ADGRG7: variants seen among roughly 807,000 people sequenced by gnomAD.
ADGRG7 encodes G-protein coupled receptor 128.
ADGRG7 carries 82 observed loss-of-function variants against 88.6 expected under a neutral mutation model. The observed-to-expected ratio is 0.93, with a 90% CI of 0.77 to 1.11. The LOEUF is 1.11. Ranked by LOEUF, ADGRG7 falls within the 50% of genes most tolerant of loss-of-function variation. The pLI is 0.00. For synonymous variants in ADGRG7, 381 were observed against 345.2 expected (o/e 1.10, Z -1.15); for missense variants, 945 against 953.4 (o/e 0.99, Z 0.12).
At chr3:100,615,491 T>C (rs1450507819) in intron 1 of ADGRG7, among the ~76,000 whole-genome samples, 1 of 152,144 alleles carries the variant, frequency 6.6e-6, no homozygotes, top group African/African-American at 2.4e-5. Flanking sequence ...AAGATGCAAA[T>C]GGCAAAGAAG....
intron 15 of ADGRG7, among the ~76,000 whole-genome samples, chr3:100,691,215 G>A (rs2094993117): frequency 6.6e-6 from 1 of 152,222 alleles, no homozygotes; most frequent in Non-Finnish European, 1.5e-5. Context: ...CATTGGAAAA[G>A]TGCGGTATTA....
chr3:100,666,933 C>G (rs1144112), intron 14 of ADGRG7, among the ~76,000 whole-genome samples: 2 of 151,992 alleles, frequency 1.3e-5, no homozygotes, highest in South Asian at 4.1e-4. Flanking sequence ...CTGAGTTTGA[C>G]GCAGCACATG....
In ADGRG7 at chr3:100,654,876, T is replaced by G. The variant is rs1381103970; in HGVS notation, c.1421T>G (p.Leu474Arg). 2 of 1,606,778 alleles carry G rather than the reference T, an allele frequency of 1.2e-6. No individual in the cohort carries two copies. The highest frequency in any genetic ancestry group is 2.7e-5 in the African/African-American group (2 of 74,810). ...TCAGTAACCTGGGTTTTGGTCAATCTGTGCATATCAATGTTGATTTTCAAC... is the reference window on the plus strand; with the variant it reads ...TCAGTAACCTGGGTTTTGGTCAATCGGTGCATATCAATGTTGATTTTCAAC... Reference protein sequence around the residue: ...KTSVTWVLVNLCISMLIFNLL... With the variant: ...KTSVTWVLVNRCISMLIFNLL... The change falls in exon 12 of 16, where the codon CTG becomes CGG. Residue 474 changes from leucine to arginine, a missense_variant. Transcript: ENST00000273352.
intron 6 of ADGRG7, among the ~76,000 whole-genome samples, chr3:100,639,388 A>G (rs1707601336): frequency 6.6e-6 from 1 of 152,216 alleles, no homozygotes; most frequent in South Asian, 2.1e-4. Flanking sequence ...CTTAGCGTTG[A>G]ATTTTCAAAG....
At chr3:100,630,001 T>C (rs1008611555) in intron 2 of ADGRG7, among the ~76,000 whole-genome samples, 1 of 152,176 alleles carries the variant, frequency 6.6e-6, no homozygotes, top group Non-Finnish European at 1.5e-5. Context: ...ATGAATGACA[T>C]GATTCTCTCA....
chr3:100,685,083 T>C (rs16842544), intron 15 of ADGRG7, among the ~76,000 whole-genome samples: 39,171 of 152,018 alleles, frequency 0.26, 5,659 homozygotes, highest in East Asian at 0.54. Flanking sequence ...AGTCGTTTTA[T>C]ATTGGAATGT....
chr3:100,676,154 G>A (rs555952805), intron 15 of ADGRG7, among the ~76,000 whole-genome samples: 7 of 151,640 alleles, frequency 4.6e-5, no homozygotes, highest in Admixed American at 4.6e-4. Context: ...GTTTTGATTT[G>A]CTCTTGCTTT....
chr3:100,689,126 A>C (rs1325513190), intron 15 of ADGRG7, among the ~76,000 whole-genome samples: 1 of 152,286 alleles, frequency 6.6e-6, no homozygotes, highest in Non-Finnish European at 1.5e-5. Context: ...CTTTACCATT[A>C]TGTAATGGCC....
chr3:100,667,164 C>T (rs1364478861), intron 14 of ADGRG7, among the ~76,000 whole-genome samples: 1 of 152,088 alleles, frequency 6.6e-6, no homozygotes, highest in African/African-American at 2.4e-5. Context: ...AGGCGTCCAC[C>T]ACCACACCTG....
intron 8 of ADGRG7, among the ~76,000 whole-genome samples, chr3:100,645,157 C>T (rs1301931751): frequency 2.0e-5 from 3 of 152,238 alleles, no homozygotes; most frequent in Non-Finnish European, 4.4e-5. Context: ...ACTGTTGACG[C>T]TTCTGCTGTT....
In ADGRG7 at chr3:100,694,818, G is replaced by C; in HGVS notation, c.2211G>C (p.Leu737Phe). 8.1e-6 allele frequency: 13 copies of C among 1,614,112 alleles called. No homozygotes were observed. Among genetic ancestry groups the C allele is most frequent in the Non-Finnish European group, 1.1e-5 (13 of 1,179,978 alleles). Residue 737 changes from leucine (L) to phenylalanine (F), a missense_variant, in exon 16 of 16, where the codon TTG becomes TTC. Coordinates refer to ENST00000273352, the MANE Select transcript of ADGRG7 (RefSeq NM_032787.3). ...FQSEASKVLM[L>F]LSSIGRRKSL... The stretch of plus-strand genomic sequence containing the variant: ...GTGAAGCTTCCAAAGTGTTGATGTT[G>C]CTATCGTCTATTGGGAGAAGGAAGT...
chr3:100,663,401 A>C (rs1412799923), intron 14 of ADGRG7, among the ~76,000 whole-genome samples: 2 of 152,062 alleles, frequency 1.3e-5, no homozygotes, highest in South Asian at 2.1e-4. Flanking sequence ...GTTATTATCC[A>C]ATATCAAAAT....
chr3:100,689,408 G>T (rs182226116), intron 15 of ADGRG7, among the ~76,000 whole-genome samples: 357 of 152,268 alleles, frequency 2.3e-3, no homozygotes, highest in Non-Finnish European at 3.5e-3. Context: ...GTGTGAATTT[G>T]ATCCTGTCAT....
intron 5 of ADGRG7, among the ~76,000 whole-genome samples, chr3:100,636,273 T>G (rs1299329620): frequency 1.3e-5 from 2 of 152,218 alleles, no homozygotes; most frequent in African/African-American, 2.4e-5. Context: ...TAAGTCTACT[T>G]CACCTTATGA....
intron 6 of ADGRG7, among the ~76,000 whole-genome samples, chr3:100,639,727 G>T (rs1303046135): frequency 6.6e-6 from 1 of 152,182 alleles, no homozygotes; most frequent in Non-Finnish European, 1.5e-5. Flanking sequence ...GAAAAGAGAA[G>T]TTGTGGGATT....
intron 5 of ADGRG7, among the ~76,000 whole-genome samples, chr3:100,636,315 T>C (rs1351303393): frequency 1.3e-5 from 2 of 152,218 alleles, no homozygotes; most frequent in African/African-American, 4.8e-5. Context: ...GACCTTACCA[T>C]CCCTAGTGCA....
At position 100,611,244 on chromosome 3, in the gene ADGRG7, TTTCCTTCCTTCCTTCCTTCC is replaced by T. The variant is rs753816226; in HGVS notation, c.115+1312_115+1331del. Among the ~76,000 whole-genome samples, 554 of 64,866 alleles carry T rather than the reference TTTCCTTCCTTCCTTCCTTCC, an allele frequency of 8.5e-3. 5 individuals carry two copies. The highest frequency in any genetic ancestry group is 0.018 in the African/African-American group (527 of 30,090). 42.6% of individuals were successfully genotyped at this position (64,866 alleles called of 152,430 possible). On this transcript the variant is annotated intron_variant, in intron 1 of 15. Coordinates refer to ENST00000273352, the MANE Select transcript of ADGRG7 (RefSeq NM_032787.3). ...CTTCACAAAGTTTTGTTTGTTTGTTTTTCCTTCCTTCCTTCCTTCCTTCCTTCCTTCCTTCCTTCCTTCCT... is the reference window on the plus strand; with the variant it reads ...CTTCACAAAGTTTTGTTTGTTTGTTTTTCCTTCCTTCCTTCCTTCCTTCCT...
At chr3:100,671,861 G>C (rs565297654) in intron 15 of ADGRG7, among the ~76,000 whole-genome samples, 1 of 152,196 alleles carries the variant, frequency 6.6e-6, no homozygotes, top group East Asian at 1.9e-4. Context: ...AGGTCAGATG[G>C]TTGTAGATGT....
chr3:100,636,018 A>G lies in ADGRG7; in HGVS notation c.597+192A>G, dbSNP rs1707534621. On this transcript the variant is annotated intron_variant, in intron 5 of 15. Transcript: ENST00000273352. ...GATTAAAAAAAGGGCCTCTTGTCCA[A>G]ATATTTTATTTTAGGATATTCCTAA... Among the ~76,000 whole-genome samples the G allele has an allele frequency of 2.6e-5, 4 of 152,196 alleles. No homozygotes were observed. The South Asian group carries it at 8.3e-4, about 31-fold the overall frequency.
Sources: gnomAD v4.1 joint callset for allele counts (sites outside exome capture counted in the v4.1 genomes callset) on GRCh38, gnomAD v4.1.1 for gene constraint, MANE v1.5 for transcripts, NCBI Gene and HGNC (gene_info 2026-07-23, HGNC 2026-07-21) for gene names.